The following FAM135B variants were observed in gnomAD, a reference collection of about 807,000 sequenced individuals.
The protein encoded by FAM135B is family with sequence similarity 135 member B, also known as protein FAM135B.
FAM135B carries 43 observed loss-of-function variants against 127.7 expected under a neutral mutation model. The ratio of observed to expected loss-of-function variants is 0.34; its 90% CI spans 0.26 to 0.43. The LOEUF is 0.43. Among genes scored for constraint, FAM135B ranks in the 20% least tolerant of loss-of-function variants. The pLI is 1.00. For synonymous variants in FAM135B, 670 were observed against 665.1 expected, an observed-to-expected ratio of 1.01 and a Z score of -0.11; for missense variants, 1,558 against 1,725.6, an observed-to-expected ratio of 0.90 and a Z score of 1.72.
chr8:138,393,935 G>A (rs182099078), intron 1 of FAM135B, among the ~76,000 whole-genome samples: 26 of 152,268 alleles, frequency 1.7e-4, no homozygotes, highest in Middle Eastern at 3.4e-3. Flanking sequence ...CCACAACCCC[G>A]TGCCTCAGTT....
At chr8:138,145,791 C>T (rs1054298619) in intron 15 of FAM135B, among the ~76,000 whole-genome samples, 168 bp downstream of exon 15, 17 of 152,154 alleles carry the variant, frequency 1.1e-4, no homozygotes, top group Admixed American at 5.2e-4. Context: ...CTCTCCCTCC[C>T]GAAATAAAAC....
At chr8:138,224,386 G>A (rs949822675) in intron 7 of FAM135B, among the ~76,000 whole-genome samples, 18 of 152,178 alleles carry the variant, frequency 1.2e-4, no homozygotes, top group African/African-American at 4.3e-4. Context: ...ACATGCACAC[G>A]CACACAGACA....
intron 7 of FAM135B, among the ~76,000 whole-genome samples, chr8:138,233,813 T>TCAACAACAA (rs55943030): frequency 6.6e-6 from 1 of 151,680 alleles, no homozygotes; most frequent in Non-Finnish European, 1.5e-5. Flanking sequence ...CTCCTACAAT[T>TCAACAACAA]CAACAACAAC....
intron 7 of FAM135B, among the ~76,000 whole-genome samples, chr8:138,208,398 C>T (rs943401008): frequency 1.3e-5 from 2 of 152,114 alleles, no homozygotes; most frequent in African/African-American, 4.8e-5. Context: ...AAAATCAGAC[C>T]TCAGCAATCT....
intron 3 of FAM135B, among the ~76,000 whole-genome samples, chr8:138,300,023 G>A (rs1264928732): frequency 2.6e-5 from 4 of 151,942 alleles, no homozygotes; most frequent in South Asian, 2.1e-4. Flanking sequence ...GCTGGAGTGC[G>A]GTGGCAAGAT....
At chr8:138,382,312 G>A (rs78191404) in intron 1 of FAM135B, among the ~76,000 whole-genome samples, 2,290 of 152,240 alleles carry the variant, frequency 0.015, 48 homozygotes, top group African/African-American at 0.053. Context: ...AGGGTAATCC[G>A]TCTTCCCTGT....
chr8:138,142,932 T>A, intron 16 of FAM135B, 80 bp downstream of exon 16: 2 of 758,504 alleles, frequency 2.6e-6, no homozygotes, highest in Non-Finnish European at 4.8e-6. Flanking sequence ...GAAGGCATCA[T>A]ATTATTGCTT....
intron 2 of FAM135B, among the ~76,000 whole-genome samples, chr8:138,337,556 G>A (rs1352551731): frequency 1.3e-5 from 2 of 152,014 alleles, no homozygotes; most frequent in African/African-American, 2.4e-5. Flanking sequence ...TACAAGGGAT[G>A]TGAAGGATCT....
At chr8:138,421,851 G>C (rs1271600272) in intron 1 of FAM135B, among the ~76,000 whole-genome samples, 1 of 152,078 alleles carries the variant, frequency 6.6e-6, no homozygotes, top group Non-Finnish European at 1.5e-5. Flanking sequence ...AAAGAAAAAA[G>C]CTAGAGGCAT....
chr8:138,447,641 C>T (rs1212502736), intron 1 of FAM135B, among the ~76,000 whole-genome samples: 1 of 150,294 alleles, frequency 6.7e-6, no homozygotes, highest in Admixed American at 6.6e-5. Flanking sequence ...ACATGACACA[C>T]CGGGGCCTGT....
chr8:138,168,811 C>T (rs1395154299), intron 11 of FAM135B, among the ~76,000 whole-genome samples: 3 of 152,060 alleles, frequency 2.0e-5, no homozygotes, highest in African/African-American at 7.2e-5. Flanking sequence ...TCATTTTTTT[C>T]CATGCCAACT....
At chr8:138,183,825 T>A (rs1328597472) in intron 9 of FAM135B, among the ~76,000 whole-genome samples, 1 of 152,244 alleles carries the variant, frequency 6.6e-6, no homozygotes, top group Admixed American at 6.5e-5. Flanking sequence ...TACTTTGGGA[T>A]CTATTCTCTA....
At chr8:138,325,803 C>T (rs574482880) in intron 2 of FAM135B, among the ~76,000 whole-genome samples, 3 of 152,244 alleles carry the variant, frequency 2.0e-5, no homozygotes, top group Admixed American at 6.5e-5. Flanking sequence ...CAACTTAAAG[C>T]AAACTAACTC....
chr8:138,209,092 C>T (rs1817937262), intron 7 of FAM135B, among the ~76,000 whole-genome samples: 1 of 152,102 alleles, frequency 6.6e-6, no homozygotes, highest in African/African-American at 2.4e-5. Context: ...GGGTCAGTCC[C>T]ATTTATCATC....
At chr8:138,419,936 G>GA (rs755638122) in intron 1 of FAM135B, among the ~76,000 whole-genome samples, 106 of 151,962 alleles carry the variant, frequency 7.0e-4, no homozygotes, top group Middle Eastern at 3.2e-3. Context: ...AGGGGAACCA[G>GA]AAAAACAAGA....
chr8:138,418,255 G>C lies in FAM135B; in HGVS notation c.-19-50253C>G, dbSNP rs546616073. 3.9e-5 allele frequency among the ~76,000 whole-genome samples: 6 copies of C among 152,198 alleles called. No individual in the cohort carries two copies. In the South Asian group the frequency reaches 6.2e-4, roughly 16 times the overall value. On this transcript the variant is annotated intron_variant, in intron 1 of 19. Coordinates refer to ENST00000395297, the MANE Select transcript of FAM135B (RefSeq NM_015912.4). ...AACTCAGACAAAAGTAAAGTGAAAA[G>C]AATTTTTAAAAGTGAATGAAACCTT...
chr8:138,139,128 A>C, intron 17 of FAM135B, 32 bp from the exon 18 acceptor site: 1 of 1,405,872 alleles, frequency 7.1e-7, no homozygotes, highest in Non-Finnish European at 1.0e-6. Context: ...AAAAATCAAA[A>C]ACACAAAACA....
chr8:138,208,747 T>G (rs1440027584), intron 7 of FAM135B, among the ~76,000 whole-genome samples: 4 of 152,168 alleles, frequency 2.6e-5, no homozygotes, highest in South Asian at 4.1e-4. Context: ...AGTCTTCTGA[T>G]TATGATTATT....
chr8:138,224,312 G>A (rs2130090771), intron 7 of FAM135B, among the ~76,000 whole-genome samples: 1 of 152,328 alleles, frequency 6.6e-6, no homozygotes, highest in African/African-American at 2.4e-5. Flanking sequence ...TAGGTGTCCA[G>A]CTGAGATGGA....
Sources: allele counts gnomAD v4.1 joint callset (sites outside exome capture counted in the v4.1 genomes callset), GRCh38; gene constraint gnomAD v4.1.1; transcripts MANE v1.5; gene names NCBI Gene and HGNC (gene_info 2026-07-23, HGNC 2026-07-21).